The following LPAR1 variants were observed in gnomAD, a reference collection of about 807,000 sequenced individuals.
LPAR1 encodes LPA receptor 1.
A neutral mutation model predicts 23.8 loss-of-function variants in LPAR1; 5 were observed. That is an observed-to-expected ratio of 0.21 (90% CI 0.11 to 0.44). LPAR1 has a LOEUF of 0.44. Ranked by LOEUF, LPAR1 falls within the 20% of genes least tolerant of loss-of-function variation. The probability of loss-of-function intolerance (pLI) is 0.99; values close to 1 mark genes in which losing one functional copy is unlikely to be tolerated. For synonymous variants in LPAR1, 160 were observed against 164.7 expected (o/e 0.97, Z 0.22); for missense variants, 311 against 482.8 (o/e 0.64, Z 3.33).
intron 4 of LPAR1, among the ~76,000 whole-genome samples, chr9:110,951,407 A>G (rs2095564374): frequency 6.6e-6 from 1 of 152,192 alleles, no homozygotes. Context: ...CTTTCTCTAC[A>G]GTGAAATGTA....
intron 2 of LPAR1, among the ~76,000 whole-genome samples, chr9:111,010,335 T>C (rs1369959722): frequency 6.6e-6 from 1 of 151,968 alleles, no homozygotes; most frequent in African/African-American, 2.4e-5. Flanking sequence ...CTTCTTGCAT[T>C]AATATCTGGG....
intron 4 of LPAR1, among the ~76,000 whole-genome samples, chr9:110,950,949 A>G (rs915826951): frequency 1.3e-5 from 2 of 152,188 alleles, no homozygotes; most frequent in African/African-American, 4.8e-5. Context: ...TAATAACTAG[A>G]TGCGTTATTG....
At chr9:110,991,574 TTTGTTTTGTTG>T (rs747802048) in intron 2 of LPAR1, among the ~76,000 whole-genome samples, 2,392 of 83,292 alleles carry the variant, frequency 0.029, 50 homozygotes, top group African/African-American at 0.071. Context: ...ATCTTTCTGG[TTTGTTTTGTTG>T]TTGTTGTTGT....
chr9:110,952,761 C>T (rs1009664423), intron 4 of LPAR1, among the ~76,000 whole-genome samples: 5 of 152,116 alleles, frequency 3.3e-5, no homozygotes, highest in Admixed American at 3.3e-4. Context: ...ACCAAGCATT[C>T]CACTGCAGAA....
At chr9:110,960,989 C>T (rs919839910) in intron 4 of LPAR1, among the ~76,000 whole-genome samples, 2 of 152,100 alleles carry the variant, frequency 1.3e-5, no homozygotes, top group Non-Finnish European at 2.9e-5. Context: ...TCCTTATAAA[C>T]TTGTTCCATT....
chr9:111,033,217 C>G (rs2097834262), intron 2 of LPAR1, among the ~76,000 whole-genome samples: 1 of 152,118 alleles, frequency 6.6e-6, no homozygotes, highest in South Asian at 2.1e-4. Context: ...CAGGGACATG[C>G]AAGTATTAAG....
chr9:110,902,652 G>T (rs1024978327), intron 5 of LPAR1, among the ~76,000 whole-genome samples: 3 of 152,074 alleles, frequency 2.0e-5, no homozygotes, highest in Non-Finnish European at 4.4e-5. Flanking sequence ...AGACAGGAAA[G>T]CACTCTCCTT....
At chr9:110,963,788 A>C (rs1003500848) in intron 4 of LPAR1, among the ~76,000 whole-genome samples, 3 of 152,242 alleles carry the variant, frequency 2.0e-5, no homozygotes, top group African/African-American at 7.2e-5. Context: ...TTTGCCATTT[A>C]AACTTGTTAC....
intron 5 of LPAR1, among the ~76,000 whole-genome samples, chr9:110,940,687 T>C (rs1207511337): frequency 2.0e-5 from 3 of 152,214 alleles, no homozygotes; most frequent in African/African-American, 7.2e-5. Context: ...GCGTAGAACA[T>C]AGTAGGTGCT....
intron 2 of LPAR1, among the ~76,000 whole-genome samples, chr9:111,026,775 T>C (rs1588929952): frequency 6.6e-6 from 1 of 152,354 alleles, no homozygotes; most frequent in South Asian, 2.1e-4. Context: ...TCTGCATCTA[T>C]TGAGATAATC....
intron 2 of LPAR1, among the ~76,000 whole-genome samples, chr9:110,988,163 A>T (rs1333584459): frequency 1.3e-5 from 2 of 152,068 alleles, no homozygotes; most frequent in Non-Finnish European, 2.9e-5. Context: ...GTAAAATAAA[A>T]ACATTTTCAA....
intron 5 of LPAR1, among the ~76,000 whole-genome samples, chr9:110,934,708 G>A (rs971182046): frequency 4.0e-5 from 6 of 151,856 alleles, no homozygotes; most frequent in East Asian, 3.9e-4. Flanking sequence ...CTTATCATAC[G>A]GAAAAAATTA....
In LPAR1 at chr9:111,026,342, G is replaced by A. The variant is rs374593155; in HGVS notation, c.-182+9780C>T. On this transcript the variant is annotated intron_variant, in intron 2 of 5. Transcript: ENST00000683809. ...GGCTCTCTGTTCGTCTATTAATGAT[G>A]TATAGGAATGCTTGTGATTTTTGCA... 2.1e-4 allele frequency among the ~76,000 whole-genome samples: 32 copies of A among 152,280 alleles called. No homozygotes were observed. In the East Asian group the frequency reaches 4.0e-3, roughly 19 times the overall value.
rs180726823 is a variant in LPAR1 at position 110,989,582 on chromosome 9, C to T, written c.-181-16024G>A. 1.3e-3 allele frequency among the ~76,000 whole-genome samples: 201 copies of T among 152,192 alleles called. 2 individuals carry two copies. Among genetic ancestry groups the T allele is most frequent in the African/African-American group, 4.6e-3 (192 of 41,538 alleles). On this transcript the variant is annotated intron_variant, in intron 2 of 5. Transcript: ENST00000683809. Reference sequence around the variant, plus strand: ...GCCTACAATAAATTAAAGCCTACTGCACACACTGAATCAACCACTAAAAAT... The same window carrying T: ...GCCTACAATAAATTAAAGCCTACTGTACACACTGAATCAACCACTAAAAAT...
At position 110,938,017 on chromosome 9, in the gene LPAR1, A is replaced by C. The variant is rs528641190; in HGVS notation, c.793+3404T>G. On this transcript the variant is annotated intron_variant, in intron 5 of 5. Transcript: ENST00000683809. ...AAGTGGCATTTACTGTAGTGAATTC[A>C]CTACGGCTCTGGTCTTCAGTTTTGA... Among the ~76,000 whole-genome samples the C allele has an allele frequency of 1.5e-4, 23 of 152,296 alleles. No individual in the cohort carries two copies. The East Asian group carries it at 4.3e-3, about 28-fold the overall frequency.
intron 4 of LPAR1, among the ~76,000 whole-genome samples, chr9:110,942,625 G>A (rs879367426): frequency 1.3e-5 from 2 of 152,184 alleles, no homozygotes; most frequent in Admixed American, 1.3e-4. Flanking sequence ...CACACAGTAT[G>A]TTCCATGTGG....
rs531856697 is a variant in LPAR1 at position 110,978,497 on chromosome 9, TA to T, written c.-181-4940del. Reference sequence around the variant, plus strand: ...TATTCTAAAAACTTTAGAAAACTATTACAGATATACAACAATTTAGATAAAA... The same window carrying T: ...TATTCTAAAAACTTTAGAAAACTATTCAGATATACAACAATTTAGATAAAA... On this transcript the variant is annotated intron_variant, in intron 2 of 5. Transcript: ENST00000683809. 5.7e-3 allele frequency among the ~76,000 whole-genome samples: 861 copies of T among 152,250 alleles called. 7 individuals carry two copies. Among genetic ancestry groups the T allele is most frequent in the African/African-American group, 0.019 (802 of 41,564 alleles).
At chr9:111,036,377 GA>G (rs34393299) in intron 1 of LPAR1, among the ~76,000 whole-genome samples, 176 bp from the exon 2 acceptor site, 4,965 of 122,086 alleles carry the variant, frequency 0.041, 76 homozygotes, top group South Asian at 0.056. Context: ...TTGAGGAAAG[GA>G]AAAAAAAAAA....
At chr9:110,956,260 GATAGCATTAGGAGAA>G (rs2095745559) in intron 4 of LPAR1, among the ~76,000 whole-genome samples, 1 of 151,832 alleles carries the variant, frequency 6.6e-6, no homozygotes, top group African/African-American at 2.4e-5. Context: ...CTAGGGGAGG[GATAGCATTAGGAGAA>G]ATACTTAATG....
Sources: allele counts gnomAD v4.1 joint callset (sites outside exome capture counted in the v4.1 genomes callset), GRCh38; gene constraint gnomAD v4.1.1; transcripts MANE v1.5; gene names NCBI Gene and HGNC (gene_info 2026-07-23, HGNC 2026-07-21).